The following GPC5 variants were observed in gnomAD, a reference collection of about 807,000 sequenced individuals.
GPC5 encodes the protein glypican-5.
GPC5 carries 47 observed loss-of-function variants against 53.9 expected under a neutral mutation model. The ratio of observed to expected loss-of-function variants is 0.87; its 90% CI spans 0.69 to 1.11. The LOEUF (loss-of-function observed/expected upper bound fraction) is 1.11, where lower values mean the gene tolerates loss of function less well. Among genes scored for constraint, GPC5 ranks in the 50% most tolerant of loss-of-function variants. The pLI is 0.00. For synonymous variants in GPC5, 286 were observed against 263.3 expected, an observed-to-expected ratio of 1.09 and a Z score of -0.84; for missense variants, 748 against 713.1, an observed-to-expected ratio of 1.05 and a Z score of -0.56.
At chr13:92,137,067 T>A (rs1420095659) in intron 6 of GPC5, among the ~76,000 whole-genome samples, 2 of 151,838 alleles carry the variant, frequency 1.3e-5, no homozygotes, top group Non-Finnish European at 2.9e-5. Flanking sequence ...TTGTTTTTTT[T>A]TTTCATCCTG....
At chr13:92,742,755 T>G (rs1249861071) in intron 7 of GPC5, among the ~76,000 whole-genome samples, 9 of 152,162 alleles carry the variant, frequency 5.9e-5, no homozygotes, top group Non-Finnish European at 1.3e-4. Context: ...AATTAATTTT[T>G]GTATAAGGTG....
At chr13:91,620,053 A>G (rs1013001486) in intron 2 of GPC5, among the ~76,000 whole-genome samples, 4 of 152,090 alleles carry the variant, frequency 2.6e-5, no homozygotes, top group Non-Finnish European at 5.9e-5. Context: ...GAAAACAGAT[A>G]CAAAATGACT....
In GPC5 at chr13:92,385,488, A is replaced by ATACATATG. The variant is rs1308122777; in HGVS notation, c.1561+240499_1561+240500insTACATATG. Among the ~76,000 whole-genome samples the ATACATATG allele has an allele frequency of 1.4e-3, 85 of 58,930 alleles. 1 individual carries two copies. The highest frequency in any genetic ancestry group is 2.4e-3 in the Non-Finnish European group (68 of 28,154). The allele number at this position is 58,930 out of a possible 152,430, so 38.7% of individuals were successfully genotyped here. ...CATATATACATATATACATATATAC[A>ATACATATG]CATATATACATACATATACATATAT... On this transcript the variant is annotated intron_variant, in intron 7 of 7. Transcript: ENST00000377067.
chr13:91,493,395 TTGAC>T (rs1242003555), intron 2 of GPC5, among the ~76,000 whole-genome samples: 2 of 152,230 alleles, frequency 1.3e-5, no homozygotes, highest in African/African-American at 4.8e-5. Flanking sequence ...TTAAATTCCT[TTGAC>T]TGTAGTTACT....
intron 7 of GPC5, among the ~76,000 whole-genome samples, chr13:92,258,269 A>G (rs1187830727): frequency 1.3e-5 from 2 of 152,230 alleles, no homozygotes; most frequent in Admixed American, 6.5e-5. Flanking sequence ...ATTTCTTCAG[A>G]TAGTTAAATA....
intron 5 of GPC5, among the ~76,000 whole-genome samples, chr13:91,766,875 A>G (rs1395912763): frequency 1.3e-5 from 2 of 152,310 alleles, no homozygotes; most frequent in East Asian, 3.9e-4. Context: ...AGAAAAAAGT[A>G]GGTGAAAGTA....
At chr13:92,292,201 A>G (rs966761924) in intron 7 of GPC5, among the ~76,000 whole-genome samples, 3 of 152,236 alleles carry the variant, frequency 2.0e-5, no homozygotes, top group African/African-American at 7.2e-5. Context: ...GTAGATACCC[A>G]GTAGTGGGAT....
chr13:91,834,269 T>A (rs537908182), intron 5 of GPC5, among the ~76,000 whole-genome samples: 2 of 152,188 alleles, frequency 1.3e-5, no homozygotes, highest in Non-Finnish European at 2.9e-5. Flanking sequence ...TGGAAATATA[T>A]TCCATGCTCA....
At chr13:91,636,250 T>C (rs1422742828) in intron 2 of GPC5, among the ~76,000 whole-genome samples, 1 of 152,150 alleles carries the variant, frequency 6.6e-6, no homozygotes, top group Admixed American at 6.5e-5. Flanking sequence ...ATGGCACAGA[T>C]ATGTTGTTTT....
chr13:92,649,323 T>A (rs1885881447), intron 7 of GPC5, among the ~76,000 whole-genome samples: 1 of 152,120 alleles, frequency 6.6e-6, no homozygotes, highest in African/African-American at 2.4e-5. Context: ...ATAATTTGAT[T>A]CTTGCCAATA....
chr13:91,582,080 G>A (rs896952346), intron 2 of GPC5, among the ~76,000 whole-genome samples: 1 of 152,036 alleles, frequency 6.6e-6, no homozygotes, highest in Non-Finnish European at 1.5e-5. Context: ...TAGACAAAAT[G>A]TCTACACCAA....
intron 7 of GPC5, among the ~76,000 whole-genome samples, chr13:92,490,375 AAATG>A (rs1248319788): frequency 6.6e-6 from 1 of 152,174 alleles, no homozygotes; most frequent in East Asian, 1.9e-4. Flanking sequence ...CCAAATAAAT[AAATG>A]AACACGAGAT....
intron 7 of GPC5, among the ~76,000 whole-genome samples, chr13:92,699,583 C>G (rs1168540173): frequency 6.6e-6 from 1 of 152,188 alleles, no homozygotes; most frequent in African/African-American, 2.4e-5. Context: ...AAATTTCCCT[C>G]TACATACTGC....
chr13:91,426,554 C>G (rs1255422909), intron 1 of GPC5, among the ~76,000 whole-genome samples: 2 of 152,164 alleles, frequency 1.3e-5, no homozygotes, highest in African/African-American at 4.8e-5. Flanking sequence ...ACAGTGCAGC[C>G]TTCAGTCTGT....
chr13:92,489,901 A>G (rs899133601), intron 7 of GPC5, among the ~76,000 whole-genome samples: 3 of 152,120 alleles, frequency 2.0e-5, no homozygotes, highest in Non-Finnish European at 4.4e-5. Context: ...AGCTTCTAAA[A>G]GGATAAAATA....
At chr13:91,826,804 C>T (rs1421715278) in intron 5 of GPC5, among the ~76,000 whole-genome samples, 2 of 151,948 alleles carry the variant, frequency 1.3e-5, no homozygotes, top group Non-Finnish European at 2.9e-5. Context: ...AAACACTGTT[C>T]AATTGAATGA....
At chr13:91,913,273 C>T (rs1015474549) in intron 6 of GPC5, among the ~76,000 whole-genome samples, 44 of 151,832 alleles carry the variant, frequency 2.9e-4, no homozygotes, top group African/African-American at 1.0e-3. Flanking sequence ...GTGGCGTGCA[C>T]CTGTATTCCC....
chr13:92,388,659 C>T (rs1340646781), intron 7 of GPC5, among the ~76,000 whole-genome samples: 1 of 152,094 alleles, frequency 6.6e-6, no homozygotes, highest in Non-Finnish European at 1.5e-5. Flanking sequence ...AAGATTTGGG[C>T]TCACATTAGG....
intron 5 of GPC5, among the ~76,000 whole-genome samples, chr13:91,865,875 C>T (rs1234822157): frequency 6.6e-6 from 1 of 151,332 alleles, no homozygotes; most frequent in Non-Finnish European, 1.5e-5. Context: ...ACAATGAATA[C>T]TTTTTTTTTG....
Sources: allele counts gnomAD v4.1 joint callset (sites outside exome capture counted in the v4.1 genomes callset), GRCh38; gene constraint gnomAD v4.1.1; transcripts MANE v1.5; gene names NCBI Gene and HGNC (gene_info 2026-07-23, HGNC 2026-07-21).